JAG1: variants seen among roughly 807,000 people sequenced by gnomAD.
The protein encoded by JAG1 is protein jagged-1.
In JAG1, 23 loss-of-function variants were observed where a neutral mutation model predicts 148.7. That is an observed-to-expected ratio of 0.15 (90% CI 0.11 to 0.22). JAG1 has a LOEUF of 0.22. JAG1 is among the 10% of genes least tolerant of loss of function. The pLI, the probability that JAG1 is intolerant of heterozygous loss-of-function variation, is 1.00. For synonymous variants in JAG1, 572 were observed against 598.3 expected, an observed-to-expected ratio of 0.96 and a Z score of 0.64; for missense variants, 1,054 against 1,611.2, an observed-to-expected ratio of 0.65 and a Z score of 5.92.
rs138945068 is a variant in JAG1 at position 10,641,677 on chromosome 20, C to T, written c.2699G>A (p.Arg900Gln). ...IACSKVWCGP[R>Q]PCLLHKGHSE... ...GTGCCCTTTGTGGAGCAGGCAAGGT[C>T]GAGGGCCACACCAGACCTGGAGAAA... Residue 900 changes from arginine to glutamine, a missense_variant, in exon 23 of 26, where the codon CGA (arginine) becomes CAA (glutamine). By Grantham distance (43) the Arg-to-Gln change is conservative. Transcript: ENST00000254958. 5.0e-6 allele frequency: 8 copies of T among 1,613,794 alleles called. No individual in the cohort carries two copies. The highest frequency in any genetic ancestry group is 2.7e-5 in the African/African-American group (2 of 74,918).
intron 10 of JAG1, 67 bp downstream of exon 10, chr20:10,649,455 C>T: frequency 1.0e-6 from 1 of 953,006 alleles, no homozygotes; most frequent in Non-Finnish European, 1.7e-6. Context: ...GACTGGAGCC[C>T]CAGTACGGAC....
chr20:10,666,058 TGAGGGCAGG>T (rs1339576452), intron 2 of JAG1, among the ~76,000 whole-genome samples: 7 of 151,912 alleles, frequency 4.6e-5, no homozygotes, highest in African/African-American at 1.7e-4. Context: ...AGAGACAGGG[TGAGGGCAGG>T]GAGCTACAGT....
At chr20:10,649,703 A>G in intron 9 of JAG1, 68 bp from the exon 10 acceptor site, 1 of 893,798 alleles carries the variant, frequency 1.1e-6, no homozygotes, top group South Asian at 1.4e-5. Flanking sequence ...TTGGAAAAAA[A>G]AAGAACAGGC....
At chr20:10,650,477 A>G (rs2067338163) in intron 8 of JAG1, 117 bp from the exon 9 acceptor site, 5 of 709,340 alleles carry the variant, frequency 7.0e-6, no homozygotes, top group Non-Finnish European at 1.3e-5. Context: ...CACCTGCTAC[A>G]AGGAAAGCTA....
In JAG1 at chr20:10,644,874, A is replaced by G. The variant is rs767504037; in HGVS notation, c.2333T>C (p.Ile778Thr). The change falls in exon 18 of 26, where the codon ATC (isoleucine) becomes ACC (threonine). Residue 778 changes from isoleucine (I) to threonine (T), a missense_variant. Transcript: ENST00000254958. ...GGGAGGACACTCACTCTGAGCACAGATGGGCCCCTCCCAGCCTTCCTTGCA... is the reference window on the plus strand; with the variant it reads ...GGGAGGACACTCACTCTGAGCACAGGTGGGCCCCTCCCAGCCTTCCTTGCA... ...CVCKEGWEGP[I>T]CAQNTNDCSP... 1.2e-6 allele frequency: 2 copies of G among 1,612,996 alleles called. No homozygotes were observed. Among genetic ancestry groups the G allele is most frequent in the Admixed American group, 3.3e-5 (2 of 60,026 alleles).
chr20:10,656,516 T>G, intron 4 of JAG1, 58 bp from the exon 5 acceptor site: 2 of 1,417,632 alleles, frequency 1.4e-6, no homozygotes, highest in Non-Finnish European at 2.0e-6. Flanking sequence ...ATCGCCCCGG[T>G]CATGAGAATG....
intron 2 of JAG1, among the ~76,000 whole-genome samples, chr20:10,669,037 A>AAAT (rs34323357): frequency 0.85 from 128,929 of 151,306 alleles, 55,085 homozygotes; most frequent in East Asian, 0.99. Flanking sequence ...GAGAAAAAAA[A>AAAT]ATTAGAAACC....
At position 10,643,365 on chromosome 20, in the gene JAG1, C is replaced by T. The variant is rs139181823; in HGVS notation, c.2458+413G>A. On this transcript the variant is annotated intron_variant, in intron 20 of 25. Transcript: ENST00000254958. ...GTCATTTCTCCAGGGCCTGATCAGA[C>T]CCAGCACAGACAAGCCTCTGGAAGC... Among the ~76,000 whole-genome samples, 7 of 152,358 alleles carry T rather than the reference C, an allele frequency of 4.6e-5. No homozygotes were observed. The East Asian group carries it at 9.6e-4, about 21-fold the overall frequency.
chr20:10,660,205 A>G (rs1469535163), intron 3 of JAG1, among the ~76,000 whole-genome samples: 2 of 152,192 alleles, frequency 1.3e-5, no homozygotes, highest in Non-Finnish European at 2.9e-5. Flanking sequence ...ACCGCTTCCA[A>G]CAGGGCCCCA....
chr20:10,655,565 CTA>C (rs1161611972), intron 5 of JAG1, among the ~76,000 whole-genome samples: 1 of 152,144 alleles, frequency 6.6e-6, no homozygotes, highest in Admixed American at 6.5e-5. Context: ...CTGGTTTAGA[CTA>C]TGTTTCATAA....
In JAG1 at chr20:10,651,696, T is replaced by C. The variant is rs2122613705; in HGVS notation, c.1007-2A>G. The stretch of plus-strand genomic sequence containing the variant: ...GATCAGAGAGGCAGGCGTGCTCAGC[T>C]GCAAAAACCAGGATGGCAGTCAGAG... On this transcript the variant is annotated splice_acceptor_variant, in intron 7 of 25. Coordinates refer to ENST00000254958, the MANE Select transcript of JAG1 (RefSeq NM_000214.3). LOFTEE classifies it high-confidence loss of function. 1 of 1,605,130 alleles carries C rather than the reference T, an allele frequency of 6.2e-7. No individual in the cohort carries two copies. Among genetic ancestry groups the C allele is most frequent in the Non-Finnish European group, 8.5e-7 (1 of 1,172,402 alleles).
chr20:10,670,069 A>C (rs2122641097), intron 2 of JAG1, among the ~76,000 whole-genome samples: 1 of 152,308 alleles, frequency 6.6e-6, no homozygotes, highest in East Asian at 1.9e-4. Flanking sequence ...CACGTGGGAC[A>C]TACTCAGATA....
Position 10,672,896 on chromosome 20 carries a change from G to T in JAG1, c.192C>A (p.Arg64=), listed in dbSNP as rs369132773. 3.7e-6 allele frequency: 6 copies of T among 1,613,128 alleles called. No individual in the cohort carries two copies. The highest frequency in any genetic ancestry group is 4.2e-6 in the Non-Finnish European group (5 of 1,180,048). ...TGTCACACTCGTCGCGGGTGCACTT[G>T]CGGTCTCCCGGGTTCCGGGCGCCGC... ...CCGGARNPGD[R]KCTRDECDTY... is the part of the protein sequence containing the mutation. Residue 64 remains arginine (R), a synonymous_variant, in exon 2 of 26, where the codon CGC becomes CGA. Coordinates refer to ENST00000254958, the MANE Select transcript of JAG1 (RefSeq NM_000214.3).
chr20:10,648,457 G>C, intron 12 of JAG1, 92 bp downstream of exon 12: 1 of 1,085,220 alleles, frequency 9.2e-7, no homozygotes, highest in Non-Finnish European at 1.4e-6. Context: ...GGAAATTCCA[G>C]ACACAAGAGC....
At position 10,667,663 on chromosome 20, in the gene JAG1, T is replaced by G. The variant is rs150118687; in HGVS notation, c.388-3649A>C. Among the ~76,000 whole-genome samples the G allele has an allele frequency of 1.1e-3, 169 of 152,164 alleles. 2 individuals are homozygous for G. The East Asian group carries it at 0.027, about 24-fold the overall frequency. On this transcript the variant is annotated intron_variant, in intron 2 of 25. Coordinates refer to ENST00000254958, the MANE Select transcript of JAG1 (RefSeq NM_000214.3). ...AAGTCTGTAGGGCTTGACATGTCAA[T>G]AGAGTCCGATCTGGTTACAAAGGGT...
chr20:10,646,474 A>G (rs1383030864), intron 14 of JAG1: 2 of 361,670 alleles, frequency 5.5e-6, no homozygotes, highest in African/African-American at 4.2e-5. Context: ...ATAAGTCTCA[A>G]CCAGTCTCCC....
intron 3 of JAG1, 110 bp downstream of exon 3, chr20:10,663,853 G>A: frequency 2.4e-6 from 2 of 838,920 alleles, no homozygotes; most frequent in Non-Finnish European, 4.2e-6. Context: ...CAGAAGGCAA[G>A]AGGTGGCAGA....
Position 10,648,635 on chromosome 20 carries a change from G to A in JAG1, c.1483C>T (p.Pro495Ser). ...ERDIDECASN[P>S]CLNGGHCQNE... ...TGACAGTGACCCCCATTCAAACAGG[G>A]GTTGCTGGCACATTCATCGATGTCT... is the stretch of plus-strand genomic sequence containing the variant. The change falls in exon 12 of 26, where the codon CCC becomes TCC. Residue 495 changes from proline to serine, a missense_variant. Around this residue, in one of 6 missense-constraint regions of JAG1, gnomAD observed 245 missense variants for 373.1 expected, o/e 0.66. Coordinates refer to ENST00000254958, the MANE Select transcript of JAG1 (RefSeq NM_000214.3). 6.2e-7 allele frequency: 1 copy of A among 1,614,022 alleles called. No homozygotes were observed. Among genetic ancestry groups the A allele is most frequent in the East Asian group, 2.2e-5 (1 of 44,882 alleles).
Position 10,640,763 on chromosome 20 carries a change from T to A in JAG1, c.3199+20A>T, listed in dbSNP as rs199853723. 1 of 1,613,096 alleles carries A rather than the reference T, an allele frequency of 6.2e-7. No individual in the cohort carries two copies. Reference sequence around the variant, plus strand: ...GATCATCTACTATCATCACACAAACTAGTCCCACTTGACACCTACCTGTTC... The same window carrying A: ...GATCATCTACTATCATCACACAAACAAGTCCCACTTGACACCTACCTGTTC... On this transcript the variant is annotated intron_variant, in intron 25 of 25. Transcript: ENST00000254958.
Sources: gnomAD v4.1 joint callset for allele counts (sites outside exome capture counted in the v4.1 genomes callset) on GRCh38, gnomAD v4.1.1 for gene constraint, gnomAD v4.1.1 regional missense constraint, MANE v1.5 for transcripts, NCBI Gene and HGNC (gene_info 2026-07-23, HGNC 2026-07-21) for gene names.